The following SEC63 variants were observed in gnomAD, a reference collection of about 807,000 sequenced individuals.
SEC63 encodes the protein SEC63 protein translocation regulator, also known as translocation protein SEC63 homolog.
In SEC63, 56 loss-of-function variants were observed where a neutral mutation model predicts 116.2. The observed-to-expected ratio is 0.48, with a 90% CI of 0.39 to 0.60. The LOEUF is 0.60. SEC63 is among the 20% of genes least tolerant of loss of function. The probability of loss-of-function intolerance (pLI) is 0.00; values close to 1 mark genes in which losing one functional copy is unlikely to be tolerated. For missense variants in SEC63, 668 were observed against 900.0 expected, an observed-to-expected ratio of 0.74 and a Z score of 3.30; for synonymous variants, 273 against 294.6, an observed-to-expected ratio of 0.93 and a Z score of 0.75.
chr6:107,943,116 C>T (rs138143942), intron 1 of SEC63, among the ~76,000 whole-genome samples: 30 of 152,308 alleles, frequency 2.0e-4, no homozygotes, highest in Middle Eastern at 3.4e-3. Context: ...AAACTGCTCA[C>T]GCAGAGATGA....
intron 1 of SEC63, among the ~76,000 whole-genome samples, chr6:107,936,678 G>A (rs1010254596): frequency 3.3e-5 from 5 of 152,180 alleles, no homozygotes; most frequent in African/African-American, 1.2e-4. Flanking sequence ...CTAGATTTGG[G>A]TTATGGCTGT....
chr6:107,933,846 G>A lies in SEC63; in HGVS notation c.125-4332C>T, dbSNP rs868107897. Among the ~76,000 whole-genome samples, 877 of 152,274 alleles carry A rather than the reference G, an allele frequency of 5.8e-3. 7 individuals are homozygous for A. The highest frequency in any genetic ancestry group is 0.019 in the African/African-American group (797 of 41,554). On this transcript the variant is annotated intron_variant, in intron 1 of 20. Coordinates refer to ENST00000369002, the MANE Select transcript of SEC63 (RefSeq NM_007214.5). ...CCTGATTCTCCTGCCTCAGCCTGCC[G>A]AGTGCCTGCGATTGCAGGCGCGCGC...
chr6:107,948,373 C>T (rs560412631), intron 1 of SEC63, among the ~76,000 whole-genome samples: 3 of 152,128 alleles, frequency 2.0e-5, no homozygotes, highest in South Asian at 2.1e-4. Flanking sequence ...TCCTCTAGGA[C>T]GCAGTTTTCT....
intron 16 of SEC63, among the ~76,000 whole-genome samples, chr6:107,890,175 G>T (rs897705475): frequency 6.6e-6 from 1 of 151,824 alleles, no homozygotes; most frequent in African/African-American, 2.4e-5. Flanking sequence ...GGGTGTTAAA[G>T]TCTCCCACTA....
chr6:107,901,551 C>T, intron 12 of SEC63, 34 bp from the exon 13 acceptor site: 3 of 1,428,746 alleles, frequency 2.1e-6, no homozygotes, highest in Non-Finnish European at 2.9e-6. Context: ...TACATAATTC[C>T]CTAACTCACA....
intron 1 of SEC63, among the ~76,000 whole-genome samples, chr6:107,942,358 G>A (rs191644001): frequency 8.4e-4 from 128 of 152,234 alleles, no homozygotes; most frequent in Non-Finnish European, 1.5e-3. Context: ...GAAGTTCAAG[G>A]GCAGAGACTG....
At chr6:107,886,435 G>A (rs978858714) in intron 16 of SEC63, among the ~76,000 whole-genome samples, 6 of 152,202 alleles carry the variant, frequency 3.9e-5, no homozygotes, top group African/African-American at 1.2e-4. Flanking sequence ...TCGCCACACT[G>A]ACTTCCACAA....
At chr6:107,913,327 A>T in intron 5 of SEC63, 39 bp downstream of exon 5, 1 of 1,199,638 alleles carries the variant, frequency 8.3e-7, no homozygotes. Flanking sequence ...TATAATATAT[A>T]CCATATCGCC....
Position 107,905,316 on chromosome 6 carries a change from A to G in SEC63, c.962-595T>C, listed in dbSNP as rs3800215. ...AATTGAGTATTTCAAAGCAACTCCA[A>G]TGATATTGCCTAAATAGTGCTCCTT... On this transcript the variant is annotated intron_variant, in intron 10 of 20. Transcript: ENST00000369002. Among the ~76,000 whole-genome samples the G allele has an allele frequency of 1.5e-4, 23 of 152,336 alleles. No homozygotes were observed. The East Asian group carries it at 4.4e-3, about 29-fold the overall frequency.
chr6:107,919,369 A>T (rs988581031), intron 4 of SEC63, among the ~76,000 whole-genome samples: 2 of 152,194 alleles, frequency 1.3e-5, no homozygotes, highest in Admixed American at 6.5e-5. Flanking sequence ...TGAACAGATG[A>T]GTTGCTTCTT....
chr6:107,897,680 A>G lies in SEC63; in HGVS notation c.1409T>C (p.Val470Ala), dbSNP rs765397564. The change falls in exon 14 of 21, where the codon GTG (valine) becomes GCG (alanine). Residue 470 changes from valine to alanine, a missense_variant. Physicochemically the swap from Val to Ala is moderately conservative, Grantham distance 64. Coordinates refer to ENST00000369002, the MANE Select transcript of SEC63 (RefSeq NM_007214.5). ...TGTTTGCCTTGTCAACTTAACCAACACTGTAACTAAGGATCCTACTGTGAT... is the reference window on the plus strand; with the variant it reads ...TGTTTGCCTTGTCAACTTAACCAACGCTGTAACTAAGGATCCTACTGTGAT... The part of the protein sequence containing the change: ...NNITVGSLVT[V>A]LVKLTRQTMA... The G allele has an allele frequency of 1.2e-6, 2 of 1,609,988 alleles. No individual in the cohort carries two copies. Among genetic ancestry groups the G allele is most frequent in the Non-Finnish European group, 1.7e-6 (2 of 1,176,542 alleles).
intron 16 of SEC63, among the ~76,000 whole-genome samples, chr6:107,885,386 T>C (rs1454473131): frequency 1.3e-5 from 2 of 152,166 alleles, no homozygotes; most frequent in Non-Finnish European, 2.9e-5. Context: ...ATAAAAATTT[T>C]AATGACATTT....
At chr6:107,941,445 A>G (rs1770373228) in intron 1 of SEC63, among the ~76,000 whole-genome samples, 2 of 151,878 alleles carry the variant, frequency 1.3e-5, no homozygotes, top group African/African-American at 4.8e-5. Flanking sequence ...CCAGGCTGCA[A>G]TGAGCCATGA....
chr6:107,919,195 G>T lies in SEC63; in HGVS notation c.452+2602C>A, dbSNP rs572945868. Among the ~76,000 whole-genome samples, 8 of 152,286 alleles carry T rather than the reference G, an allele frequency of 5.3e-5. 1 individual carries two copies. Among genetic ancestry groups the T allele is most frequent in the African/African-American group, 1.9e-4 (8 of 41,558 alleles). ...CAAAGTGCTGGGATTACAGGCATGAGCTACCGCGCCTGGCCAGAAGTTGAT... is the reference window on the plus strand; with the variant it reads ...CAAAGTGCTGGGATTACAGGCATGATCTACCGCGCCTGGCCAGAAGTTGAT... On this transcript the variant is annotated intron_variant, in intron 4 of 20. Coordinates refer to ENST00000369002, the MANE Select transcript of SEC63 (RefSeq NM_007214.5).
chr6:107,887,749 T>TA (rs982461529), intron 16 of SEC63, among the ~76,000 whole-genome samples: 2 of 150,970 alleles, frequency 1.3e-5, no homozygotes, highest in Admixed American at 6.6e-5. Flanking sequence ...AAAGTATAAC[T>TA]AAAAAAAAAA....
chr6:107,880,825 T>C (rs763009385), intron 18 of SEC63: 1 of 218,776 alleles, frequency 4.6e-6, no homozygotes, highest in Non-Finnish European at 9.2e-6. Context: ...AAAGGCAAAA[T>C]ATGCATTTGT....
At chr6:107,887,871 T>A (rs1421670376) in intron 16 of SEC63, among the ~76,000 whole-genome samples, 1 of 152,232 alleles carries the variant, frequency 6.6e-6, no homozygotes, top group African/African-American at 2.4e-5. Context: ...ATTGCTTGTT[T>A]TTAACAGGTT....
intron 4 of SEC63, among the ~76,000 whole-genome samples, chr6:107,919,670 A>G (rs1335084337): frequency 6.6e-6 from 1 of 151,920 alleles, no homozygotes; most frequent in Non-Finnish European, 1.5e-5. Context: ...AAAATATTAA[A>G]AATTAGCCGG....
intron 16 of SEC63, 86 bp downstream of exon 16, chr6:107,893,396 C>T: frequency 7.4e-7 from 1 of 1,355,048 alleles, no homozygotes; most frequent in Non-Finnish European, 1.0e-6. Context: ...TTATGTAAAA[C>T]TTTTGAAGCT....
Sources: gnomAD v4.1 joint callset for allele counts (sites outside exome capture counted in the v4.1 genomes callset) on GRCh38, gnomAD v4.1.1 for gene constraint, MANE v1.5 for transcripts, NCBI Gene and HGNC (gene_info 2026-07-23, HGNC 2026-07-21) for gene names.